TOX3: variants seen among roughly 807,000 people sequenced by gnomAD.
TOX3 encodes CAG trinucleotide repeat-containing gene F9 protein.
In TOX3, 22 loss-of-function variants were observed where a neutral mutation model predicts 64.3. The ratio of observed to expected loss-of-function variants is 0.34; its 90% CI spans 0.24 to 0.49. TOX3 has a LOEUF of 0.49. Among genes scored for constraint, TOX3 ranks in the 20% least tolerant of loss-of-function variants. The pLI is 0.99. For synonymous variants in TOX3, 291 were observed against 273.6 expected, an observed-to-expected ratio of 1.06 and a Z score of -0.63; for missense variants, 661 against 714.4, an observed-to-expected ratio of 0.93 and a Z score of 0.85.
In TOX3 at chr16:52,499,151, C is replaced by A. The variant is rs1397662540; in HGVS notation, c.88-30577G>T. ...AAAGCTACTAATATGATTCACAAGA[C>A]CCCCTGGAAATTAGGTTTTATAACT... On this transcript the variant is annotated intron_variant, in intron 1 of 6. Coordinates refer to ENST00000219746, the MANE Select transcript of TOX3 (RefSeq NM_001080430.4). 2.6e-5 allele frequency among the ~76,000 whole-genome samples: 4 copies of A among 152,250 alleles called. No homozygotes were observed. The South Asian group carries it at 8.3e-4, about 32-fold the overall frequency.
At chr16:52,534,132 C>A (rs1245244344) in intron 1 of TOX3, among the ~76,000 whole-genome samples, 2 of 152,086 alleles carry the variant, frequency 1.3e-5, no homozygotes, top group Non-Finnish European at 2.9e-5. Flanking sequence ...ACCAAGAGAA[C>A]AAACAGATGA....
intron 4 of TOX3, among the ~76,000 whole-genome samples, chr16:52,447,813 T>C (rs1461090080): frequency 1.3e-5 from 2 of 152,210 alleles, no homozygotes; most frequent in Non-Finnish European, 2.9e-5. Flanking sequence ...AAAAACATTA[T>C]TTAAACAAGA....
intron 3 of TOX3, among the ~76,000 whole-genome samples, chr16:52,459,272 G>A (rs1042459402): frequency 6.6e-6 from 1 of 152,098 alleles, no homozygotes; most frequent in Non-Finnish European, 1.5e-5. Flanking sequence ...TCATACCACT[G>A]TACCTCAGCC....
chr16:52,446,474 T>G (rs1960168184), intron 4 of TOX3, among the ~76,000 whole-genome samples: 1 of 152,192 alleles, frequency 6.6e-6, no homozygotes, highest in African/African-American at 2.4e-5. Context: ...ATAGCAATTA[T>G]GAGTAATGAA....
chr16:52,542,780 G>GT, intron 1 of TOX3, among the ~76,000 whole-genome samples: 1 of 152,278 alleles, frequency 6.6e-6, no homozygotes, highest in Admixed American at 6.5e-5. Flanking sequence ...TCTAAGAAGA[G>GT]TTTCAATCAA....
intron 1 of TOX3, among the ~76,000 whole-genome samples, chr16:52,537,880 A>T (rs1962990804): frequency 1.1e-4 from 3 of 26,846 alleles, no homozygotes; most frequent in South Asian, 7.8e-4. Flanking sequence ...TGATATGATA[A>T]AAAAAAAAAA....
intron 1 of TOX3, among the ~76,000 whole-genome samples, chr16:52,474,363 C>T (rs1961143157): frequency 6.6e-6 from 1 of 152,148 alleles, no homozygotes; most frequent in Non-Finnish European, 1.5e-5. Context: ...TCTGGTTCTA[C>T]CATACTTCCC....
At chr16:52,444,464 G>A (rs375170700) in intron 5 of TOX3, 108 bp from the exon 6 acceptor site, 12 of 870,850 alleles carry the variant, frequency 1.4e-5, no homozygotes, top group African/African-American at 8.6e-5. Flanking sequence ...AAAAAGGTTG[G>A]TCTCCTTGGC....
chr16:52,467,327 A>G (rs796772330), intron 2 of TOX3, among the ~76,000 whole-genome samples: 1 of 152,208 alleles, frequency 6.6e-6, no homozygotes, highest in Non-Finnish European at 1.5e-5. Context: ...ATTACCACAA[A>G]CAACACAGCA....
At chr16:52,463,270 T>G (rs1176276896) in intron 3 of TOX3, among the ~76,000 whole-genome samples, 1 of 152,178 alleles carries the variant, frequency 6.6e-6, no homozygotes, top group Non-Finnish European at 1.5e-5. Context: ...GCAGAAGAGT[T>G]TAAAATACTT....
At chr16:52,458,257 G>A (rs546479045) in intron 3 of TOX3, among the ~76,000 whole-genome samples, 1 of 152,196 alleles carries the variant, frequency 6.6e-6, no homozygotes, top group South Asian at 2.1e-4. Flanking sequence ...GCCCAGGGAC[G>A]ACACCAAACA....
intron 1 of TOX3, among the ~76,000 whole-genome samples, chr16:52,495,764 A>C (rs757573940): frequency 2.0e-5 from 3 of 152,190 alleles, no homozygotes; most frequent in Non-Finnish European, 4.4e-5. Context: ...TGATCCTAAA[A>C]TTTCACCCAA....
At chr16:52,488,811 G>A (rs190998576) in intron 1 of TOX3, among the ~76,000 whole-genome samples, 2 of 152,116 alleles carry the variant, frequency 1.3e-5, no homozygotes, top group Admixed American at 1.3e-4. Context: ...AATATACCTT[G>A]GAGACATAAG....
At position 52,439,441 on chromosome 16, in the gene TOX3, C is replaced by A; in HGVS notation, c.1515G>T (p.Gln505His). The change falls in exon 7 of 7, where the codon CAG becomes CAT. Residue 505 changes from glutamine to histidine, a missense_variant. Transcript: ENST00000219746. ...GGCGCTGCTGCAGCTGCTGCTGCAG[C>A]TGCTGTTGATTAATTTGCTGCTGGA... ...QHLQQQINQQ[Q>H]LQQQLQQRLQ... is the part of the protein sequence containing the mutation. The A allele has an allele frequency of 6.5e-7, 1 of 1,527,840 alleles. No individual in the cohort carries two copies. 94.6% of individuals were successfully genotyped at this position (1,527,840 alleles called of 1,614,324 possible). A position where few individuals can be genotyped will look rare whatever the true frequency, so the allele number is the denominator to read the frequency against.
chr16:52,465,176 G>A (rs1199824685), intron 2 of TOX3, among the ~76,000 whole-genome samples: 3 of 151,368 alleles, frequency 2.0e-5, no homozygotes, highest in South Asian at 2.1e-4. Context: ...CACCATACAC[G>A]GCTAATTCTT....
intron 1 of TOX3, among the ~76,000 whole-genome samples, chr16:52,525,487 C>T (rs947353445): frequency 1.3e-5 from 2 of 152,162 alleles, no homozygotes; most frequent in Non-Finnish European, 2.9e-5. Context: ...AGAGGGCAAA[C>T]GCTAATTTCA....
Position 52,439,256 on chromosome 16 carries a change from G to A in TOX3, c.1700C>T (p.Thr567Ile). 3 of 1,613,810 alleles carry A rather than the reference G, an allele frequency of 1.9e-6. No individual in the cohort carries two copies. Among genetic ancestry groups the A allele is most frequent in the Middle Eastern group, 1.6e-4 (1 of 6,084 alleles). The part of the protein sequence containing the change: ...HQSQIQSQTQ[T>I]QVLSQVSIF ...AATACTGACCTGCGATAATACTTGA[G>A]TCTGTGTCTGAGACTGTATTTGCGA... Residue 567 changes from threonine to isoleucine, a missense_variant, in exon 7 of 7, where the codon ACT becomes ATT. Transcript: ENST00000219746.
At chr16:52,449,381 G>A (rs1368108961) in intron 4 of TOX3, among the ~76,000 whole-genome samples, 1 of 152,054 alleles carries the variant, frequency 6.6e-6, no homozygotes, top group Non-Finnish European at 1.5e-5. Context: ...CCAAAATGCT[G>A]GCCTCTGTCT....
intron 1 of TOX3, among the ~76,000 whole-genome samples, chr16:52,505,452 A>C (rs1172045845): frequency 6.6e-6 from 1 of 152,232 alleles, no homozygotes; most frequent in Non-Finnish European, 1.5e-5. Context: ...CAAACTAAGC[A>C]TTAAACAAAC....
Sources: allele counts gnomAD v4.1 joint callset (sites outside exome capture counted in the v4.1 genomes callset), GRCh38; gene constraint gnomAD v4.1.1; transcripts MANE v1.5; gene names NCBI Gene and HGNC (gene_info 2026-07-23, HGNC 2026-07-21).